The following ZNF738 variants were observed in gnomAD, a reference collection of about 807,000 sequenced individuals.
ZNF738 encodes protein ZNF738.
Under a neutral mutation model 9.2 loss-of-function variants are expected in ZNF738, and 10 were observed. The ratio of observed to expected loss-of-function variants is 1.09; its 90% CI spans 0.67 to 1.85. The LOEUF is 1.85. Among genes scored for constraint, ZNF738 ranks in the 40% most tolerant of loss-of-function variants. The pLI is 0.00. For missense variants in ZNF738, 346 were observed against 283.6 expected (o/e 1.22, Z -1.58); for synonymous variants, 113 against 94.5 (o/e 1.20, Z -1.14).
chr19:21,376,721 T>G (rs1479644483), intron 4 of ZNF738, among the ~76,000 whole-genome samples: 1 of 152,124 alleles, frequency 6.6e-6, no homozygotes, highest in Non-Finnish European at 1.5e-5. Context: ...TAGTAAAAAC[T>G]CATGTTTTTA....
chr19:21,373,609 G>A (rs896309812), intron 2 of ZNF738, among the ~76,000 whole-genome samples: 3 of 152,086 alleles, frequency 2.0e-5, no homozygotes, highest in African/African-American at 7.2e-5. Flanking sequence ...GACAGAAATG[G>A]GTGTGCTTTT....
chr19:21,363,172 T>C (rs1973722637), intron 2 of ZNF738, among the ~76,000 whole-genome samples: 1 of 152,242 alleles, frequency 6.6e-6, no homozygotes, highest in South Asian at 2.1e-4. Flanking sequence ...TTGCTTTTCT[T>C]ATTAAGGTAT....
At chr19:21,369,680 G>T (rs1973831095) in intron 2 of ZNF738, among the ~76,000 whole-genome samples, 3 of 152,292 alleles carry the variant, frequency 2.0e-5, no homozygotes, top group African/African-American at 7.2e-5. Flanking sequence ...TCAGATGGTT[G>T]GAGGTGTGTG....
intron 1 of ZNF738, among the ~76,000 whole-genome samples, chr19:21,360,208 A>G (rs1455572355): frequency 6.6e-6 from 1 of 152,306 alleles, no homozygotes; most frequent in African/African-American, 2.4e-5. Flanking sequence ...GTAGGAACCC[A>G]GGGACTAGAG....
In ZNF738 at chr19:21,375,955, AC is replaced by A; in HGVS notation, c.311del (p.Thr104AsnfsTer19). ...WNMKRHSMVATPPVTYSHFAQ... is the reference protein window; with the variant it reads ...WNMKRHSMVAXPPVTYSHFAQ... ...TATGAAGAGACACAGTATGGTAGCC[AC>A]ACCCCCAGGTAGGTGAGAGTGAATA... On this transcript the variant is annotated frameshift_variant, in exon 4 of 5. Coordinates refer to ENST00000683779, the MANE Select transcript of ZNF738 (RefSeq NM_001355237.2). LOFTEE classifies it low-confidence loss of function (END_TRUNC). 1 of 773,630 alleles carries A rather than the reference AC, an allele frequency of 1.3e-6. No homozygotes were observed. The highest frequency in any genetic ancestry group is 2.4e-6 in the Non-Finnish European group (1 of 419,714). 47.9% of individuals were successfully genotyped at this position (773,630 alleles called of 1,614,324 possible).
chr19:21,381,365 A>T, intron 4 of ZNF738: 1 of 1,504,892 alleles, frequency 6.6e-7, no homozygotes, highest in Non-Finnish European at 9.2e-7. Flanking sequence ...GAATACTCTG[A>T]CTCCATCTTG....
At position 21,383,781 on chromosome 19, in the gene ZNF738, C is replaced by T; in HGVS notation, c.*107C>T. The stretch of plus-strand genomic sequence containing the variant: ...GAATGTGGCAAAGCTTTTAAACAGT[C>T]CTCAAACCTTACTACTCATGAAAAT... On this transcript the variant is annotated 3_prime_UTR_variant, in exon 5 of 5. Coordinates refer to ENST00000683779, the MANE Select transcript of ZNF738 (RefSeq NM_001355237.2). The T allele has an allele frequency of 9.1e-7, 1 of 1,098,602 alleles. No individual in the cohort carries two copies. The highest frequency in any genetic ancestry group is 1.4e-6 in the Non-Finnish European group (1 of 737,658). The allele number at this position is 1,098,602 out of a possible 1,614,324, so 68.1% of individuals were successfully genotyped here.
rs1199189708 is a variant in ZNF738, at chr19:21,388,151, A to T, written c.*4477A>T. 6.6e-6 allele frequency among the ~76,000 whole-genome samples: 1 copy of T among 152,198 alleles called. No individual in the cohort carries two copies. The highest frequency in any genetic ancestry group is 6.5e-5 in the Admixed American group (1 of 15,280). ...AAGTTGATAGAAAAAGTATTTGTATATAAATTTAAGAGGAGTAAAAGATTT... is the reference window on the plus strand; with the variant it reads ...AAGTTGATAGAAAAAGTATTTGTATTTAAATTTAAGAGGAGTAAAAGATTT... On this transcript the variant is annotated 3_prime_UTR_variant, in exon 5 of 5. Coordinates refer to ENST00000683779, the MANE Select transcript of ZNF738 (RefSeq NM_001355237.2).
chr19:21,375,990 G>A, intron 4 of ZNF738, 26 bp downstream of exon 4: 1 of 704,086 alleles, frequency 1.4e-6, no homozygotes, highest in South Asian at 1.6e-5. Flanking sequence ...TAAAACAGTT[G>A]ACATAGATGA....
At chr19:21,378,799 A>G in intron 4 of ZNF738, 1 of 216,098 alleles carries the variant, frequency 4.6e-6, no homozygotes, top group South Asian at 4.7e-5. Context: ...GGGTTTCTCC[A>G]TGTTGGTCAG....
chr19:21,373,735 A>G (rs532228113), intron 2 of ZNF738, among the ~76,000 whole-genome samples: 2 of 147,730 alleles, frequency 1.4e-5, no homozygotes, highest in South Asian at 4.3e-4. Flanking sequence ...AGAGAATGTC[A>G]TCTGAAAAGC....
chr19:21,370,794 A>C (rs1241275740), intron 2 of ZNF738, among the ~76,000 whole-genome samples: 1 of 151,402 alleles, frequency 6.6e-6, no homozygotes, highest in Non-Finnish European at 1.5e-5. Flanking sequence ...ATGCCCAAGG[A>C]TGCAGAGTCA....
intron 2 of ZNF738, among the ~76,000 whole-genome samples, chr19:21,362,062 A>C (rs1383447947): frequency 6.6e-6 from 1 of 151,326 alleles, no homozygotes; most frequent in Non-Finnish European, 1.5e-5. Context: ...AGCCTGGGCA[A>C]CAAGAGTGAA....
intron 2 of ZNF738, among the ~76,000 whole-genome samples, chr19:21,367,586 G>A (rs538710692): frequency 1.3e-5 from 2 of 152,278 alleles, no homozygotes; most frequent in South Asian, 4.1e-4. Context: ...CGCCTGGCCT[G>A]CAGTGGAACT....
In ZNF738 at chr19:21,388,196, A is replaced by G. The variant is rs1974089810; in HGVS notation, c.*4522A>G. ...AGATTTTTTGCAGAGTAATAACTACATTCTAAGTATACTTTATTTCTTGAA... is the reference window on the plus strand; with the variant it reads ...AGATTTTTTGCAGAGTAATAACTACGTTCTAAGTATACTTTATTTCTTGAA... On this transcript the variant is annotated 3_prime_UTR_variant, in exon 5 of 5. Transcript: ENST00000683779. Among the ~76,000 whole-genome samples, 1 of 152,198 alleles carries G rather than the reference A, an allele frequency of 6.6e-6. No homozygotes were observed. The highest frequency in any genetic ancestry group is 1.5e-5 in the Non-Finnish European group (1 of 68,014).
chr19:21,366,210 A>G (rs1009255895), intron 2 of ZNF738, among the ~76,000 whole-genome samples: 7 of 152,190 alleles, frequency 4.6e-5, no homozygotes, highest in Admixed American at 4.6e-4. Context: ...ATTAACATCC[A>G]GTGGTGTGAA....
At chr19:21,376,016 C>CAAAA in intron 4 of ZNF738, 52 bp downstream of exon 4, 3 of 543,748 alleles carry the variant, frequency 5.5e-6, no homozygotes, top group Non-Finnish European at 3.3e-6. Context: ...TGGAAGATTA[C>CAAAA]AAAAAAAAAA....
rs1340054242 is a variant in ZNF738 at position 21,375,272 on chromosome 19, T to C, written c.131T>C (p.Phe44Ser). ...ACATTTAGGGATGTGGTCATAGAAT[T>C]CTCTCAGGAGGAGTGGCAATGCCTG... ...PLTFRDVVIEFSQEEWQCLDT... is the reference protein window; with the variant it reads ...PLTFRDVVIESSQEEWQCLDT... Residue 44 changes from phenylalanine (F) to serine (S), a missense_variant, in exon 3 of 5, where the codon TTC (phenylalanine) becomes TCC (serine). Transcript: ENST00000683779. 3 of 1,147,184 alleles carry C rather than the reference T, an allele frequency of 2.6e-6. No individual in the cohort carries two copies. Among genetic ancestry groups the C allele is most frequent in the Non-Finnish European group, 2.6e-6 (2 of 755,928 alleles). The allele number at this position is 1,147,184 out of a possible 1,614,324, so 71.1% of individuals were successfully genotyped here. A position where few individuals can be genotyped will look rare whatever the true frequency, so the allele number is the denominator to read the frequency against.
chr19:21,360,640 A>G (rs2145214608), intron 1 of ZNF738: 1 of 151,970 alleles, frequency 6.6e-6, no homozygotes, highest in East Asian at 1.9e-4. Context: ...TTTTGTAAAG[A>G]CGGGGGTTTC....
Sources: gnomAD v4.1 joint callset for allele counts (sites outside exome capture counted in the v4.1 genomes callset) on GRCh38, gnomAD v4.1.1 for gene constraint, MANE v1.5 for transcripts, NCBI Gene and HGNC (gene_info 2026-07-23, HGNC 2026-07-21) for gene names.